KCNIP4: variants seen among roughly 807,000 people sequenced by gnomAD.
KCNIP4 encodes Kv channel-interacting protein 4.
In KCNIP4, 12 loss-of-function variants were observed where a neutral mutation model predicts 34.0. The ratio of observed to expected loss-of-function variants is 0.35; its 90% CI spans 0.23 to 0.57. The LOEUF is 0.57. Among genes scored for constraint, KCNIP4 ranks in the 20% least tolerant of loss-of-function variants. KCNIP4 has a pLI of 0.83. For missense variants in KCNIP4, 238 were observed against 311.7 expected, an observed-to-expected ratio of 0.76 and a Z score of 1.78; for synonymous variants, 124 against 102.2, an observed-to-expected ratio of 1.21 and a Z score of -1.29.
intron 1 of KCNIP4, among the ~76,000 whole-genome samples, chr4:21,657,130 A>G (rs1748023899): frequency 6.6e-6 from 1 of 152,204 alleles, no homozygotes; most frequent in African/African-American, 2.4e-5. Context: ...AATATTAACC[A>G]CCCTGAGTAG....
intron 1 of KCNIP4, among the ~76,000 whole-genome samples, chr4:21,570,600 G>A (rs1740290104): frequency 6.6e-6 from 1 of 152,070 alleles, no homozygotes; most frequent in Non-Finnish European, 1.5e-5. Flanking sequence ...ATGGGAGAAG[G>A]ATATATAACT....
At chr4:21,266,388 A>AAT (rs1761811027) in intron 1 of KCNIP4, among the ~76,000 whole-genome samples, 1 of 152,004 alleles carries the variant, frequency 6.6e-6, no homozygotes, top group African/African-American at 2.4e-5. Context: ...CTTAAAAACA[A>AAT]AATGCCAAGG....
At chr4:21,500,305 A>T (rs555344525) in intron 1 of KCNIP4, among the ~76,000 whole-genome samples, 2 of 152,194 alleles carry the variant, frequency 1.3e-5, no homozygotes, top group South Asian at 4.2e-4. Flanking sequence ...ATCACCTTAA[A>T]ACTGGGTTTT....
At chr4:21,338,080 T>C (rs1716357191) in intron 1 of KCNIP4, among the ~76,000 whole-genome samples, 1 of 151,948 alleles carries the variant, frequency 6.6e-6, no homozygotes, top group South Asian at 2.1e-4. Flanking sequence ...TCACTAAGCA[T>C]TGCTTCTGGA....
At position 21,199,392 on chromosome 4, in the gene KCNIP4, T is replaced by C. The variant is rs143849651; in HGVS notation, c.62-316683A>G. Among the ~76,000 whole-genome samples, 337 of 152,356 alleles carry C rather than the reference T, an allele frequency of 2.2e-3. 2 individuals are homozygous for C. The highest frequency in any genetic ancestry group is 7.9e-3 in the African/African-American group (330 of 41,574). ...TCTTGAGAACTATCTGTTCATATCC[T>C]TCCCCCACTTTTTGATGGGGTTGTT... is the stretch of plus-strand genomic sequence containing the variant. On this transcript the variant is annotated intron_variant, in intron 1 of 8. Transcript: ENST00000382152.
At chr4:21,643,841 G>A (rs766624720) in intron 1 of KCNIP4, among the ~76,000 whole-genome samples, 10 of 132,962 alleles carry the variant, frequency 7.5e-5, no homozygotes, top group Non-Finnish European at 1.3e-4. Context: ...TCTCTAGACT[G>A]ATAGATGATA....
intron 1 of KCNIP4, among the ~76,000 whole-genome samples, chr4:21,549,520 A>T (rs911690848): frequency 6.6e-6 from 1 of 151,932 alleles, no homozygotes; most frequent in African/African-American, 2.4e-5. Flanking sequence ...CTTTGCTTTA[A>T]ATAAAAGCTT....
chr4:21,651,270 T>C (rs947743592), intron 1 of KCNIP4, among the ~76,000 whole-genome samples: 1 of 152,124 alleles, frequency 6.6e-6, no homozygotes, highest in Non-Finnish European at 1.5e-5. Context: ...GAAGGGAGTA[T>C]CATAAAGCCA....
At chr4:21,922,427 T>TA (rs1167853620) in intron 1 of KCNIP4, among the ~76,000 whole-genome samples, 4 of 152,220 alleles carry the variant, frequency 2.6e-5, no homozygotes, top group African/African-American at 9.6e-5. Context: ...ATTGGGTTCT[T>TA]ACGCATTAGG....
chr4:21,271,131 T>C (rs1560237894), intron 1 of KCNIP4, among the ~76,000 whole-genome samples: 1 of 152,218 alleles, frequency 6.6e-6, no homozygotes, highest in Non-Finnish European at 1.5e-5. Flanking sequence ...GAAATACTGG[T>C]ACTTTCCAAT....
chr4:21,032,834 G>A (rs1014116584), intron 1 of KCNIP4, among the ~76,000 whole-genome samples: 1 of 152,094 alleles, frequency 6.6e-6, no homozygotes. Context: ...AAATTGAACA[G>A]CCATTCACCA....
intron 1 of KCNIP4, among the ~76,000 whole-genome samples, chr4:21,175,970 T>C (rs1159241979): frequency 6.6e-6 from 1 of 151,834 alleles, no homozygotes; most frequent in African/African-American, 2.4e-5. Context: ...TTTTTTAGAG[T>C]TGTGTTCACC....
intron 1 of KCNIP4, among the ~76,000 whole-genome samples, chr4:21,519,552 G>GTGTA (rs1735209557): frequency 1.4e-5 from 1 of 73,080 alleles, no homozygotes; most frequent in African/African-American, 6.4e-5. Context: ...ATACACATAT[G>GTGTA]TGTGTATGTG....
At chr4:21,924,757 GTTA>G (rs1264557607) in intron 1 of KCNIP4, among the ~76,000 whole-genome samples, 2 of 152,120 alleles carry the variant, frequency 1.3e-5, no homozygotes, top group Admixed American at 6.5e-5. Context: ...AGTGGAAAGA[GTTA>G]TTCAGGCTGC....
At position 21,373,393 on chromosome 4, in the gene KCNIP4, T is replaced by TA. The variant is rs1305730119; in HGVS notation, c.62-490685dup. Among the ~76,000 whole-genome samples the TA allele has an allele frequency of 3.4e-5, 5 of 147,318 alleles. 2 individuals are homozygous for TA. The highest frequency in any genetic ancestry group is 1.4e-4 in the African/African-American group (5 of 36,980). ...AGTGAGATTTTAGAAAGTAGAGAGA[T>TA]AGAGTAGACAATTTAATACAACTTT... On this transcript the variant is annotated intron_variant, in intron 1 of 8. Coordinates refer to ENST00000382152, the MANE Select transcript of KCNIP4 (RefSeq NM_025221.6).
intron 1 of KCNIP4, among the ~76,000 whole-genome samples, chr4:21,276,495 G>A (rs555870426): frequency 1.3e-4 from 20 of 151,320 alleles, no homozygotes; most frequent in African/African-American, 3.1e-4. Context: ...GTGAGCCACC[G>A]CACCCAGTCT....
At chr4:21,384,626 C>T (rs954040164) in intron 1 of KCNIP4, among the ~76,000 whole-genome samples, 3 of 152,160 alleles carry the variant, frequency 2.0e-5, no homozygotes, top group East Asian at 1.9e-4. Flanking sequence ...GAACATTTAC[C>T]GTGTGCTCAC....
chr4:21,667,581 G>C (rs1749092891), intron 1 of KCNIP4, among the ~76,000 whole-genome samples: 2 of 152,176 alleles, frequency 1.3e-5, no homozygotes, highest in South Asian at 4.1e-4. Context: ...AAAATTTCAA[G>C]TCTATGATGA....
chr4:20,854,239 C>A (rs1721343219), intron 2 of KCNIP4, among the ~76,000 whole-genome samples: 1 of 152,152 alleles, frequency 6.6e-6, no homozygotes, highest in Non-Finnish European at 1.5e-5. Context: ...TGGAACCAAC[C>A]CAAATGCCCA....
Sources: allele counts gnomAD v4.1 joint callset (sites outside exome capture counted in the v4.1 genomes callset), GRCh38; gene constraint gnomAD v4.1.1; transcripts MANE v1.5; gene names NCBI Gene and HGNC (gene_info 2026-07-23, HGNC 2026-07-21).